Variants in FERMT3 observed in about 807,000 individuals in gnomAD.
FERMT3 encodes fermitin family homolog 3.
In FERMT3, 33 loss-of-function variants were observed where a neutral mutation model predicts 80.8. The ratio of observed to expected loss-of-function variants is 0.41; its 90% CI spans 0.31 to 0.55. The LOEUF is 0.55. Ranked by LOEUF, FERMT3 falls within the 20% of genes least tolerant of loss-of-function variation. FERMT3 has a pLI of 0.31. For missense variants in FERMT3, 754 were observed against 908.7 expected (o/e 0.83, Z 2.19); for synonymous variants, 375 against 372.2 (o/e 1.01, Z -0.09).
At chr11:64,212,285 T>C (rs1336035606) in intron 6 of FERMT3, among the ~76,000 whole-genome samples, 1 of 152,194 alleles carries the variant, frequency 6.6e-6, no homozygotes, top group African/African-American at 2.4e-5. Flanking sequence ...TTCGCGCACA[T>C]CTCAAAAACT....
intron 13 of FERMT3, among the ~76,000 whole-genome samples, chr11:64,222,690 C>T (rs76938143): frequency 0.062 from 9,403 of 151,910 alleles, 381 homozygotes; most frequent in Middle Eastern, 0.15. Flanking sequence ...ACAGGGCTAG[C>T]GGTGGATGCT....
In FERMT3 at chr11:64,211,025, C is replaced by T; in HGVS notation, c.395-27C>T. 1 of 1,607,118 alleles carries T rather than the reference C, an allele frequency of 6.2e-7. No homozygotes were observed. Among genetic ancestry groups the T allele is most frequent in the Non-Finnish European group, 8.5e-7 (1 of 1,177,108 alleles). On this transcript the variant is annotated intron_variant, in intron 3 of 14. Transcript: ENST00000345728. The surrounding 1 kb of genome is among the most constrained non-coding windows in gnomAD (Gnocchi z 4.7). ...TGGGGAGGCTGCAGCAGGACCTAGT[C>T]CCCGCTGAGACCCTAGCTCCCCTCA... is the stretch of plus-strand genomic sequence containing the variant.
Position 64,223,420 on chromosome 11 carries a change from G to A in FERMT3, c.1920G>A (p.Arg640=). 1 of 1,613,592 alleles carries A rather than the reference G, an allele frequency of 6.2e-7. No individual in the cohort carries two copies. Residue 640 remains arginine, a synonymous_variant, in exon 15 of 15, where the codon CGG becomes CGA. Coordinates refer to ENST00000345728, the MANE Select transcript of FERMT3 (RefSeq NM_031471.6). ...GGGGCTACATTTTCCTGTCGACGCGGGAGCGGGCCCGTGGGGAGGAGCTGG... is the reference window on the plus strand; with the variant it reads ...GGGGCTACATTTTCCTGTCGACGCGAGAGCGGGCCCGTGGGGAGGAGCTGG... ...YIGGYIFLST[R]ERARGEELDE...
chr11:64,223,476 G>A lies in FERMT3; in HGVS notation c.1976G>A (p.Gly659Asp), dbSNP rs1384028715. The A allele has an allele frequency of 6.2e-6, 10 of 1,610,022 alleles. No homozygotes were observed. Among genetic ancestry groups the A allele is most frequent in the African/African-American group, 2.7e-5 (2 of 74,932 alleles). ...GACCTCTTCCTGCAGCTCACCGGGG[G>A]CCATGAGGCCTTCTGAGGGCTGTCT... ...DEDLFLQLTG[G>D]HEAF Residue 659 changes from glycine to aspartate, a missense_variant, in exon 15 of 15, where the codon GGC (glycine) becomes GAC (aspartate). Gly to Asp is a moderately conservative substitution (Grantham distance 94). Coordinates refer to ENST00000345728, the MANE Select transcript of FERMT3 (RefSeq NM_031471.6).
At chr11:64,220,382 G>A (rs1156733307) in intron 11 of FERMT3, 54 bp from the exon 12 acceptor site, 5 of 1,609,278 alleles carry the variant, frequency 3.1e-6, no homozygotes, top group Non-Finnish European at 3.4e-6. Flanking sequence ...CAGGGGCAGG[G>A]GCTGAGGAGC....
rs1946439082 is a variant in FERMT3, at chr11:64,211,518, C to G, written c.683+75C>G. 6 of 1,517,222 alleles carry G rather than the reference C, an allele frequency of 4.0e-6. No homozygotes were observed. The highest frequency in any genetic ancestry group is 4.4e-6 in the Non-Finnish European group (5 of 1,127,172). 94.0% of individuals were successfully genotyped at this position (1,517,222 alleles called of 1,614,324 possible). A position where few individuals can be genotyped will look rare whatever the true frequency, so the allele number is the denominator to read the frequency against. On this transcript the variant is annotated intron_variant, in intron 5 of 14. Transcript: ENST00000345728. This position sits in a 1 kb window ranked among gnomAD's most constrained non-coding sequence, Gnocchi z 4.7. ...CCACCCCCTGTCCCGTGTCTGTGCC[C>G]ACCCCAGATCCACACTTCGTTTCCA...
chr11:64,212,251 G>A (rs1296531934), intron 6 of FERMT3, among the ~76,000 whole-genome samples: 1 of 152,226 alleles, frequency 6.6e-6, no homozygotes, highest in South Asian at 2.1e-4. Flanking sequence ...ACATGCTCCA[G>A]GCAAAATGCT....
intron 2 of FERMT3, among the ~76,000 whole-genome samples, chr11:64,208,413 G>C (rs145823294): frequency 2.9e-3 from 441 of 152,316 alleles, no homozygotes; most frequent in Non-Finnish European, 4.4e-3. Flanking sequence ...CCTGGAGTCA[G>C]ACAGACCCCG....
At chr11:64,222,112 G>A (rs921230367) in intron 13 of FERMT3, among the ~76,000 whole-genome samples, 17 of 148,584 alleles carry the variant, frequency 1.1e-4, no homozygotes, top group African/African-American at 3.7e-4. Context: ...GGTGGCAGGC[G>A]CCTATAATCC....
Position 64,211,281 on chromosome 11 carries a change from C to T in FERMT3, c.521C>T (p.Ala174Val), listed in dbSNP as rs2134845189. The T allele has an allele frequency of 1.2e-6, 2 of 1,613,390 alleles. No individual in the cohort carries two copies. Among genetic ancestry groups the T allele is most frequent in the Non-Finnish European group, 1.7e-6 (2 of 1,179,846 alleles). Residue 174 changes from alanine to valine, a missense_variant, in exon 5 of 15, where the codon GCA becomes GTA. By Grantham distance (64) the Ala-to-Val change is moderately conservative. Transcript: ENST00000345728. The surrounding 1 kb of genome is among the most constrained non-coding windows in gnomAD (Gnocchi z 4.7). Reference protein sequence around the residue: ...LSKVVLAGGVAPALFRGMPAH... With the variant: ...LSKVVLAGGVVPALFRGMPAH... ...CTCCCAACCTGCACTCCAGGCGTGG[C>T]ACCTGCACTGTTCCGGGGGATGCCA...
At position 64,219,445 on chromosome 11, in the gene FERMT3, C is replaced by G. The variant is rs1468349539; in HGVS notation, c.895-79C>G. On this transcript the variant is annotated intron_variant, in intron 7 of 14. Coordinates refer to ENST00000345728, the MANE Select transcript of FERMT3 (RefSeq NM_031471.6). The surrounding 1 kb of genome is among the most constrained non-coding windows in gnomAD (Gnocchi z 4.0). ...GGGCCTTCCTGAGTGGGGGCTACCTCCAGGGAAGCCCGGCCTGGGGGTACT... is the reference window on the plus strand; with the variant it reads ...GGGCCTTCCTGAGTGGGGGCTACCTGCAGGGAAGCCCGGCCTGGGGGTACT... 1 of 1,557,746 alleles carries G rather than the reference C, an allele frequency of 6.4e-7. No individual in the cohort carries two copies. The highest frequency in any genetic ancestry group is 8.7e-7 in the Non-Finnish European group (1 of 1,151,368).
chr11:64,210,553 G>T lies in FERMT3; in HGVS notation c.161-58G>T. 1 of 1,538,398 alleles carries T rather than the reference G, an allele frequency of 6.5e-7. No individual in the cohort carries two copies. Among genetic ancestry groups the T allele is most frequent in the Non-Finnish European group, 9.0e-7 (1 of 1,112,762 alleles). On this transcript the variant is annotated intron_variant, in intron 2 of 14. Transcript: ENST00000345728. This position sits in a 1 kb window ranked among gnomAD's most constrained non-coding sequence, Gnocchi z 4.3. The stretch of plus-strand genomic sequence containing the variant: ...GGCTTCTGAATCCTGGGGTTGTGCT[G>T]GGTGTTGGGGGCACCAGGGAGGAAG...
chr11:64,219,461 T>G lies in FERMT3; in HGVS notation c.895-63T>G. On this transcript the variant is annotated intron_variant, in intron 7 of 14. Transcript: ENST00000345728. This position sits in a 1 kb window ranked among gnomAD's most constrained non-coding sequence, Gnocchi z 4.0. The stretch of plus-strand genomic sequence containing the variant: ...GGGCTACCTCCAGGGAAGCCCGGCC[T>G]GGGGGTACTGCTAGGGGACCAGGCT... 1 of 1,561,350 alleles carries G rather than the reference T, an allele frequency of 6.4e-7. No individual in the cohort carries two copies.
At chr11:64,206,074 C>T (rs184638786), upstream of FERMT3, among the ~76,000 whole-genome samples, 48 of 152,082 alleles carry the variant, frequency 3.2e-4, no homozygotes, top group South Asian at 1.9e-3. Context: ...CGTGGGGACT[C>T]GGGGAGGCTC....
rs1343140059 is a variant in FERMT3, at chr11:64,223,152, A to G, written c.1775A>G (p.Asn592Ser). 1.2e-6 allele frequency: 2 copies of G among 1,613,952 alleles called. No homozygotes were observed. The highest frequency in any genetic ancestry group is 8.5e-7 in the Non-Finnish European group (1 of 1,180,048). ...GDVVKTWRFS[N>S]MRQWNVNWDI... ...GTGGTCAAGACCTGGCGTTTCAGCA[A>G]CATGCGCCAGTGGAATGTCAACTGG... Residue 592 changes from asparagine to serine, a missense_variant, in exon 14 of 15, where the codon AAC becomes AGC. Transcript: ENST00000345728.
chr11:64,219,795 T>C lies in FERMT3; in HGVS notation c.1079+6T>C, dbSNP rs776996237. On this transcript the variant is annotated splice_donor_region_variant and intron_variant, in intron 9 of 14. Coordinates refer to ENST00000345728, the MANE Select transcript of FERMT3 (RefSeq NM_031471.6). The surrounding 1 kb of genome is among the most constrained non-coding windows in gnomAD (Gnocchi z 4.0). ...GACCATCTCCGAATCTTTCGGTGAG[T>C]TGGGGGCCAGAGTAGGCAGCCCTGC... 2.5e-6 allele frequency: 4 copies of C among 1,613,962 alleles called. No homozygotes were observed. The highest frequency in any genetic ancestry group is 2.2e-5 in the East Asian group (1 of 44,868).
chr11:64,214,426 A>G (rs1591031722), intron 6 of FERMT3, among the ~76,000 whole-genome samples: 1 of 151,864 alleles, frequency 6.6e-6, no homozygotes, highest in Admixed American at 6.6e-5. Flanking sequence ...GCTCACTGCA[A>G]CCTCCGCCTC....
rs1468253307 is a variant in FERMT3 at position 64,211,216 on chromosome 11, C to T, written c.514+45C>T. ...GGCCTGGGGGGTTGGGGGCAGGGGC[C>T]GGCCCGTGAGTCCCAGCCCTGGGGG... On this transcript the variant is annotated intron_variant, in intron 4 of 14. Coordinates refer to ENST00000345728, the MANE Select transcript of FERMT3 (RefSeq NM_031471.6). This position sits in a 1 kb window ranked among gnomAD's most constrained non-coding sequence, Gnocchi z 4.7. The T allele has an allele frequency of 1.1e-5, 18 of 1,598,336 alleles. No homozygotes were observed. The highest frequency in any genetic ancestry group is 3.4e-5 in the Admixed American group (2 of 58,798).
intron 6 of FERMT3, among the ~76,000 whole-genome samples, chr11:64,212,962 C>T (rs571505466): frequency 1.1e-3 from 165 of 152,156 alleles, no homozygotes; most frequent in Non-Finnish European, 1.9e-3. Flanking sequence ...AGTGTTATCC[C>T]GGCTAACTGC....
Sources: gnomAD v4.1 joint callset for allele counts (sites outside exome capture counted in the v4.1 genomes callset) on GRCh38, gnomAD v4.1.1 for gene constraint, Gnocchi (gnomAD v3.1) non-coding constraint, MANE v1.5 for transcripts, NCBI Gene and HGNC (gene_info 2026-07-23, HGNC 2026-07-21) for gene names.